Variants in RFX3 observed in about 807,000 individuals in gnomAD.
The protein encoded by RFX3 is transcription factor RFX3.
A neutral mutation model predicts 98.6 loss-of-function variants in RFX3; 14 were observed. That is an observed-to-expected ratio of 0.14 (90% CI 0.09 to 0.22). The LOEUF (loss-of-function observed/expected upper bound fraction) is 0.22. RFX3 is among the 10% of genes least tolerant of loss of function. RFX3 has a pLI of 1.00. For missense variants in RFX3, 639 were observed against 926.9 expected, an observed-to-expected ratio of 0.69 and a Z score of 4.03; for synonymous variants, 383 against 328.4, an observed-to-expected ratio of 1.17 and a Z score of -1.80.
At chr9:3,412,449 T>C (rs190794964) in intron 1 of RFX3, among the ~76,000 whole-genome samples, 86 of 152,340 alleles carry the variant, frequency 5.6e-4, no homozygotes, top group African/African-American at 2.0e-3. Flanking sequence ...TAATTATCTA[T>C]AGAGAAGTAA....
intron 1 of RFX3, among the ~76,000 whole-genome samples, chr9:3,423,934 T>A (rs963451126): frequency 6.6e-6 from 1 of 150,800 alleles, no homozygotes; most frequent in African/African-American, 2.4e-5. Flanking sequence ...GACCACAAGG[T>A]CAGGAGATCG....
chr9:3,431,701 C>A (rs116117981), intron 1 of RFX3, among the ~76,000 whole-genome samples: 1,968 of 152,116 alleles, frequency 0.013, 49 homozygotes, highest in African/African-American at 0.044. Context: ...GAATTTAATG[C>A]CAGCAAAGGA....
At chr9:3,349,831 T>C (rs1045194376) in intron 2 of RFX3, among the ~76,000 whole-genome samples, 3 of 152,042 alleles carry the variant, frequency 2.0e-5, no homozygotes, top group Admixed American at 1.3e-4. Flanking sequence ...TGAAATATTA[T>C]GACATAAAAT....
At chr9:3,314,469 G>C (rs1486515990) in intron 4 of RFX3, among the ~76,000 whole-genome samples, 5 of 152,086 alleles carry the variant, frequency 3.3e-5, no homozygotes, top group Non-Finnish European at 7.4e-5. Context: ...ATCAACTAAC[G>C]AGCAAAATAA....
rs1255620838 is a variant in RFX3 at position 3,236,692 on chromosome 9, C to G, written c.1969-7803G>C. 2.0e-5 allele frequency among the ~76,000 whole-genome samples: 3 copies of G among 152,146 alleles called. No homozygotes were observed. In the East Asian group the frequency reaches 5.8e-4, roughly 29 times the overall value. On this transcript the variant is annotated intron_variant, in intron 15 of 16. Coordinates refer to ENST00000617270, the MANE Select transcript of RFX3 (RefSeq NM_001282116.2). Reference sequence around the variant, plus strand: ...CACAGCAGGACACACAAAGCAGACACCACATTGCTAGAAGCATTCCTGCTG... The same window carrying G: ...CACAGCAGGACACACAAAGCAGACAGCACATTGCTAGAAGCATTCCTGCTG...
chr9:3,274,386 T>C (rs1042607368), intron 9 of RFX3, among the ~76,000 whole-genome samples: 54 of 152,306 alleles, frequency 3.5e-4, no homozygotes, highest in African/African-American at 1.3e-3. Context: ...GGAATAAAGC[T>C]ACTTAAATTC....
At chr9:3,312,032 A>G (rs956704976) in intron 4 of RFX3, among the ~76,000 whole-genome samples, 1 of 152,222 alleles carries the variant, frequency 6.6e-6, no homozygotes, top group Admixed American at 6.5e-5. Flanking sequence ...GTAAGGTGCA[A>G]CTAATGGGTT....
chr9:3,334,511 C>G (rs1376726816), intron 3 of RFX3, among the ~76,000 whole-genome samples: 3 of 152,112 alleles, frequency 2.0e-5, no homozygotes, highest in Non-Finnish European at 2.9e-5. Context: ...TATGAAATAT[C>G]TATATAGCCC....
chr9:3,384,403 T>C (rs1349836220), intron 2 of RFX3, among the ~76,000 whole-genome samples: 1 of 152,232 alleles, frequency 6.6e-6, no homozygotes, highest in East Asian at 1.9e-4. Context: ...TCCTGGCGTA[T>C]ACTTCTCAAA....
chr9:3,385,994 C>G lies in RFX3; in HGVS notation c.117+9478G>C, dbSNP rs151146951. Among the ~76,000 whole-genome samples, 6 of 152,130 alleles carry G rather than the reference C, an allele frequency of 3.9e-5. No individual in the cohort carries two copies. In the South Asian group the frequency reaches 1.2e-3, roughly 31 times the overall value. ...TTTTTTCAAACGACTGATGACTACA[C>G]TGGGTGCCTATTCAAAGTGAAAGAC... is the stretch of plus-strand genomic sequence containing the variant. On this transcript the variant is annotated intron_variant, in intron 2 of 16. Transcript: ENST00000617270.
intron 1 of RFX3, among the ~76,000 whole-genome samples, chr9:3,502,953 C>T (rs938863943): frequency 1.3e-5 from 2 of 152,096 alleles, no homozygotes; most frequent in Non-Finnish European, 2.9e-5. Context: ...TCAAACTGCT[C>T]TATGCTGTAA....
At chr9:3,509,226 T>C (rs1213960832) in intron 1 of RFX3, among the ~76,000 whole-genome samples, 1 of 151,958 alleles carries the variant, frequency 6.6e-6, no homozygotes, top group African/African-American at 2.4e-5. Context: ...TGCTACACTT[T>C]TAAAGCCCAG....
chr9:3,232,771 TGAGAGAGAGAGAGA>T (rs36070658), intron 15 of RFX3, among the ~76,000 whole-genome samples: 3 of 132,406 alleles, frequency 2.3e-5, no homozygotes, highest in Non-Finnish European at 4.8e-5. Context: ...GTTTAGAATC[TGAGAGAGAGAGAGA>T]GAGAGAGAGA....
At chr9:3,406,081 T>G (rs937806138) in intron 1 of RFX3, among the ~76,000 whole-genome samples, 3 of 152,038 alleles carry the variant, frequency 2.0e-5, no homozygotes, top group African/African-American at 7.2e-5. Flanking sequence ...CTCAGCCTCC[T>G]TAGTAGCTGG....
chr9:3,283,972 T>C (rs1244381901), intron 7 of RFX3, among the ~76,000 whole-genome samples: 1 of 151,810 alleles, frequency 6.6e-6, no homozygotes, highest in African/African-American at 2.4e-5. Flanking sequence ...TTAACCTTTA[T>C]GGACTTCGGT....
At chr9:3,237,972 C>CA (rs760381489) in intron 15 of RFX3, among the ~76,000 whole-genome samples, 11,214 of 96,640 alleles carry the variant, frequency 0.12, 735 homozygotes, top group African/African-American at 0.23. Flanking sequence ...GACCCTGTCT[C>CA]AAAAAAAAAA....
chr9:3,352,613 C>A (rs1835276654), intron 2 of RFX3, among the ~76,000 whole-genome samples: 1 of 152,084 alleles, frequency 6.6e-6, no homozygotes, highest in Non-Finnish European at 1.5e-5. Flanking sequence ...ACTTCCACTT[C>A]AGGCCATGCT....
At chr9:3,327,001 T>G (rs545651221) in intron 4 of RFX3, among the ~76,000 whole-genome samples, 1 of 152,152 alleles carries the variant, frequency 6.6e-6, no homozygotes, top group African/African-American at 2.4e-5. Context: ...ATAGGTTATA[T>G]GTCGAACACT....
chr9:3,504,909 TA>T (rs1564185643), intron 1 of RFX3, among the ~76,000 whole-genome samples: 1 of 72,776 alleles, frequency 1.4e-5, no homozygotes, highest in Non-Finnish European at 2.2e-5. Context: ...ATTATATATA[TA>T]TATAATATAA....
Sources: allele counts gnomAD v4.1 joint callset (sites outside exome capture counted in the v4.1 genomes callset), GRCh38; gene constraint gnomAD v4.1.1; transcripts MANE v1.5; gene names NCBI Gene and HGNC (gene_info 2026-07-23, HGNC 2026-07-21).